NBEA: variants seen among roughly 807,000 people sequenced by gnomAD.
NBEA encodes lysosomal-trafficking regulator 2.
NBEA carries 44 observed loss-of-function variants against 343.4 expected under a neutral mutation model. That is an observed-to-expected ratio of 0.13 (90% CI 0.10 to 0.16). NBEA has a LOEUF of 0.16. NBEA is among the 10% of genes least tolerant of loss of function. The pLI is 1.00. For missense variants in NBEA, 2,555 were observed against 3,631.3 expected (o/e 0.70, Z 7.62); for synonymous variants, 1,175 against 1,238.7 (o/e 0.95, Z 1.08).
chr13:35,131,410 G>T (rs2067420452), intron 17 of NBEA, among the ~76,000 whole-genome samples: 1 of 151,950 alleles, frequency 6.6e-6, no homozygotes, highest in African/African-American at 2.4e-5. Context: ...TTTAACATCA[G>T]GACAACATTT....
chr13:35,398,703 T>C (rs1051662170), intron 38 of NBEA, among the ~76,000 whole-genome samples: 7 of 152,074 alleles, frequency 4.6e-5, no homozygotes, highest in Non-Finnish European at 8.8e-5. Context: ...ACAAATATGC[T>C]GTCACTAGGC....
intron 43 of NBEA, 63 bp downstream of exon 43, chr13:35,551,095 G>A (rs2153013206): frequency 1.0e-6 from 1 of 962,790 alleles, no homozygotes; most frequent in South Asian, 1.6e-5. Context: ...CAATATTACA[G>A]CAATGTAAAT....
At chr13:35,010,203 T>A (rs1257702872) in intron 1 of NBEA, among the ~76,000 whole-genome samples, 1 of 152,008 alleles carries the variant, frequency 6.6e-6, no homozygotes, top group East Asian at 1.9e-4. Context: ...ATGAGGTCAT[T>A]TAGGGGTGAA....
intron 38 of NBEA, among the ~76,000 whole-genome samples, chr13:35,419,759 A>C (rs2044158964): frequency 6.6e-6 from 1 of 151,936 alleles, no homozygotes; most frequent in Admixed American, 6.6e-5. Flanking sequence ...AGAAGTGCCA[A>C]GGAACAACAC....
intron 1 of NBEA, among the ~76,000 whole-genome samples, chr13:34,992,077 C>A: frequency 6.7e-6 from 1 of 149,034 alleles, no homozygotes; most frequent in African/African-American, 2.5e-5. Flanking sequence ...CTTTCCTCTA[C>A]CCTTGATTTA....
At chr13:35,019,311 T>G (rs968843331) in intron 1 of NBEA, among the ~76,000 whole-genome samples, 6 of 151,816 alleles carry the variant, frequency 4.0e-5, no homozygotes, top group East Asian at 1.9e-4. Context: ...TTTGTTTTTT[T>G]TTTTGAGACA....
At chr13:35,173,724 G>A (rs2070655052) in intron 27 of NBEA, 130 bp downstream of exon 27, 1 of 733,570 alleles carries the variant, frequency 1.4e-6, no homozygotes, top group Non-Finnish European at 1.9e-6. Context: ...GCAGCTCTAG[G>A]CTGCTTAACA....
chr13:35,312,821 A>G (rs1301037388), intron 36 of NBEA, among the ~76,000 whole-genome samples: 2 of 152,236 alleles, frequency 1.3e-5, no homozygotes, highest in Non-Finnish European at 1.5e-5. Flanking sequence ...CAGTATAAGT[A>G]TAATTCACTT....
intron 1 of NBEA, among the ~76,000 whole-genome samples, chr13:35,038,008 G>A (rs2062511188): frequency 6.6e-6 from 1 of 152,126 alleles, no homozygotes; most frequent in Non-Finnish European, 1.5e-5. Flanking sequence ...AGAAATCTTA[G>A]AAACCTTAGA....
At chr13:35,049,815 T>G (rs1399981484) in intron 5 of NBEA, among the ~76,000 whole-genome samples, 4 of 151,822 alleles carry the variant, frequency 2.6e-5, no homozygotes, top group Non-Finnish European at 5.9e-5. Context: ...CTTGATCAAC[T>G]GTATCATTTA....
chr13:35,058,928 C>T, intron 8 of NBEA, 65 bp downstream of exon 8: 3 of 1,323,614 alleles, frequency 2.3e-6, no homozygotes, highest in East Asian at 2.7e-5. Flanking sequence ...GGTGTAATAT[C>T]ATTTTTAGTG....
At chr13:35,518,402 T>C (rs951614118) in intron 41 of NBEA, among the ~76,000 whole-genome samples, 9 of 152,168 alleles carry the variant, frequency 5.9e-5, no homozygotes, top group African/African-American at 2.2e-4. Flanking sequence ...TTTTTCCAAA[T>C]CACAAAAGCA....
intron 33 of NBEA, among the ~76,000 whole-genome samples, chr13:35,231,278 T>C (rs889537953): frequency 2.0e-5 from 3 of 152,130 alleles, no homozygotes; most frequent in Admixed American, 2.0e-4. Flanking sequence ...TCATCCGATA[T>C]TATTCTCTAA....
At chr13:35,080,577 G>A (rs1029383919) in intron 10 of NBEA, among the ~76,000 whole-genome samples, 2 of 152,154 alleles carry the variant, frequency 1.3e-5, no homozygotes, top group African/African-American at 4.8e-5. Context: ...CCATGGAGAG[G>A]AGGGCATATA....
At chr13:35,109,519 G>A (rs2066080278) in intron 12 of NBEA, 77 bp downstream of exon 12, 2 of 1,284,006 alleles carry the variant, frequency 1.6e-6, no homozygotes, top group Non-Finnish European at 2.0e-6. Context: ...AGTATTCAGT[G>A]GAAAACATTT....
At chr13:35,271,907 A>G (rs939203936) in intron 34 of NBEA, among the ~76,000 whole-genome samples, 3 of 152,308 alleles carry the variant, frequency 2.0e-5, no homozygotes, top group Admixed American at 2.0e-4. Flanking sequence ...GACAGAAAGA[A>G]TGGAACCAAG....
intron 53 of NBEA, 141 bp from the exon 54 acceptor site, chr13:35,654,714 G>A (rs1192540857): frequency 5.0e-6 from 3 of 599,142 alleles, no homozygotes; most frequent in Non-Finnish European, 8.1e-6. Context: ...TATTCCTCAA[G>A]GGAGAATCTT....
At chr13:34,999,934 C>T (rs1446520588) in intron 1 of NBEA, among the ~76,000 whole-genome samples, 1 of 152,158 alleles carries the variant, frequency 6.6e-6, no homozygotes, top group African/African-American at 2.4e-5. Context: ...GGAAACTAAA[C>T]TGTGATGCCC....
At chr13:35,139,057 C>CTTTTTTTTTTTT (rs36053692) in intron 17 of NBEA, among the ~76,000 whole-genome samples, 1 of 97,888 alleles carries the variant, frequency 1.0e-5, no homozygotes, top group Non-Finnish European at 1.8e-5. Context: ...CAAGAAATAT[C>CTTTTTTTTTTTT]TTTTTTTTTT....
Sources: allele counts gnomAD v4.1 joint callset (sites outside exome capture counted in the v4.1 genomes callset), GRCh38; gene constraint gnomAD v4.1.1; transcripts MANE v1.5; gene names NCBI Gene and HGNC (gene_info 2026-07-23, HGNC 2026-07-21).